Variants in NEMP2 observed in about 807,000 individuals in gnomAD.
The protein encoded by NEMP2 is nuclear envelope integral membrane protein 2, also known as UPF0571 transmembrane protein.
Under a neutral mutation model 54.2 loss-of-function variants are expected in NEMP2, and 53 were observed. That is an observed-to-expected ratio of 0.98 (90% confidence interval 0.78 to 1.23). The LOEUF (loss-of-function observed/expected upper bound fraction) is 1.23. Ranked by LOEUF, NEMP2 falls within the 50% of genes most tolerant of loss-of-function variation. The pLI, the probability that NEMP2 is intolerant of heterozygous loss-of-function variation, is 0.00. For synonymous variants in NEMP2, 197 were observed against 190.3 expected (o/e 1.04, Z -0.29); for missense variants, 455 against 511.3 (o/e 0.89, Z 1.06).
At chr2:190,499,985 C>G, downstream of NEMP2, 31 of 1,610,930 alleles carry the variant, frequency 1.9e-5, no homozygotes, top group Non-Finnish European at 2.6e-5. The surrounding 1 kb of genome is among the most constrained non-coding windows in gnomAD (Gnocchi z 6.0). Context: ...TATCACTGAT[C>G]ATGGGGCATC....
rs571513723 is a variant in NEMP2, at chr2:190,522,151, G to A, written c.214-2968C>T. On this transcript the variant is annotated intron_variant, in intron 2 of 8. Coordinates refer to ENST00000409150, the MANE Select transcript of NEMP2 (RefSeq NM_001142645.2). This position sits in a 1 kb window ranked among gnomAD's most constrained non-coding sequence, Gnocchi z 5.0. ...GTTTTAACTTTTAAGCCATATTAAT[G>A]TTGTAGATACTTATAAATAATGATA... Among the ~76,000 whole-genome samples, 8 of 152,230 alleles carry A rather than the reference G, an allele frequency of 5.3e-5. 1 individual carries two copies. The East Asian group carries it at 1.5e-3, about 29-fold the overall frequency.
the NEMP2 span, among the ~76,000 whole-genome samples, chr2:190,432,427 T>C: frequency 6.6e-6 from 1 of 152,112 alleles, no homozygotes; most frequent in Non-Finnish European, 1.5e-5. Flanking sequence ...TTTGTTTTTG[T>C]TTTTTGAGAC....
the NEMP2 span, among the ~76,000 whole-genome samples, chr2:190,595,831 G>A: frequency 6.6e-6 from 1 of 152,214 alleles, no homozygotes; most frequent in African/African-American, 2.4e-5. This position sits in a 1 kb window ranked among gnomAD's most constrained non-coding sequence, Gnocchi z 4.0. Flanking sequence ...CACTGTGGAA[G>A]ACAGTGTGGC....
the NEMP2 span, chr2:190,626,483 C>G: frequency 6.6e-6 from 1 of 152,126 alleles, no homozygotes; most frequent in East Asian, 1.9e-4. The surrounding 1 kb of genome is among the most constrained non-coding windows in gnomAD (Gnocchi z 4.5). Context: ...AGAGAGAGAG[C>G]TTTACCTGTG....
the NEMP2 span, among the ~76,000 whole-genome samples, chr2:190,475,446 G>C: frequency 1.3e-5 from 2 of 152,156 alleles, no homozygotes; most frequent in African/African-American, 4.8e-5. Context: ...AATCATGAGT[G>C]AACTCCCATT....
At chr2:190,536,545 G>C (rs1691383658), upstream of NEMP2, among the ~76,000 whole-genome samples, 1 of 152,174 alleles carries the variant, frequency 6.6e-6, no homozygotes, top group African/African-American at 2.4e-5. Context: ...AGGTTCAGGT[G>C]CACAGGGCCT....
the NEMP2 span, among the ~76,000 whole-genome samples, chr2:190,604,983 A>G: frequency 6.6e-6 from 1 of 151,890 alleles, no homozygotes; most frequent in African/African-American, 2.4e-5. The surrounding 1 kb of genome is among the most constrained non-coding windows in gnomAD (Gnocchi z 4.5). Flanking sequence ...TCCCTTTTTC[A>G]TGCTCTCCTG....
At chr2:190,422,695 A>G in the NEMP2 span, among the ~76,000 whole-genome samples, 8 of 152,096 alleles carry the variant, frequency 5.3e-5, no homozygotes, top group African/African-American at 1.7e-4. Context: ...ATTTTTATTC[A>G]TTGTGTTAGG....
chr2:190,638,941 T>C, the NEMP2 span, among the ~76,000 whole-genome samples: 4 of 152,166 alleles, frequency 2.6e-5, no homozygotes, highest in African/African-American at 9.7e-5. The surrounding 1 kb of genome is among the most constrained non-coding windows in gnomAD (Gnocchi z 5.7). Flanking sequence ...GCATCAGATG[T>C]GGCCCAGATG....
At chr2:190,555,457 C>T in the NEMP2 span, among the ~76,000 whole-genome samples, 2 of 151,746 alleles carry the variant, frequency 1.3e-5, no homozygotes, top group South Asian at 2.1e-4. The surrounding 1 kb of genome is among the most constrained non-coding windows in gnomAD (Gnocchi z 4.8). Context: ...CTAAAATAAC[C>T]AGTTTAGAGA....
the NEMP2 span, among the ~76,000 whole-genome samples, chr2:190,431,575 C>A: frequency 2.0e-5 from 3 of 152,338 alleles, no homozygotes; most frequent in East Asian, 5.8e-4. The surrounding 1 kb of genome is among the most constrained non-coding windows in gnomAD (Gnocchi z 4.4). Context: ...TGTGGCGGCG[C>A]GCGCCTGCAA....
the NEMP2 span, among the ~76,000 whole-genome samples, chr2:190,544,950 A>T: frequency 4.0e-4 from 60 of 151,190 alleles, no homozygotes; most frequent in Non-Finnish European, 5.9e-5. Flanking sequence ...AAAAAAAAAA[A>T]AAATTAGCTG....
chr2:190,457,530 C>T, the NEMP2 span, among the ~76,000 whole-genome samples: 1 of 152,152 alleles, frequency 6.6e-6, no homozygotes, highest in Admixed American at 6.5e-5. This position sits in a 1 kb window ranked among gnomAD's most constrained non-coding sequence, Gnocchi z 5.1. Context: ...ATAGCAGTTG[C>T]TGGGATCTAC....
rs764794882 is a variant in NEMP2, at chr2:190,510,664, G to A, written c.954-127C>T. 9.7e-6 allele frequency: 8 copies of A among 827,842 alleles called. No homozygotes were observed. Among genetic ancestry groups the A allele is most frequent in the Admixed American group, 9.6e-5 (4 of 41,860 alleles). The allele number at this position is 827,842 out of a possible 1,614,324, so 51.3% of individuals were successfully genotyped here. ...TGGGAGGCCTGGGGAGGCGGATCACGAGGTCAGGAGATTGAGACGGTCCTG... is the reference window on the plus strand; with the variant it reads ...TGGGAGGCCTGGGGAGGCGGATCACAAGGTCAGGAGATTGAGACGGTCCTG... On this transcript the variant is annotated intron_variant, in intron 7 of 8. Transcript: ENST00000409150. This position sits in a 1 kb window ranked among gnomAD's most constrained non-coding sequence, Gnocchi z 5.7.
chr2:190,442,389 G>A, the NEMP2 span, among the ~76,000 whole-genome samples: 7 of 152,138 alleles, frequency 4.6e-5, no homozygotes. Flanking sequence ...GCTGGGATCA[G>A]TAACCTGAAT....
the NEMP2 span, among the ~76,000 whole-genome samples, chr2:190,447,926 G>T: frequency 1.3e-5 from 2 of 152,142 alleles, no homozygotes; most frequent in African/African-American, 4.8e-5. This position sits in a 1 kb window ranked among gnomAD's most constrained non-coding sequence, Gnocchi z 4.5. Flanking sequence ...ATTAATAACA[G>T]CATTACTTAT....
the NEMP2 span, chr2:190,608,698 A>G: frequency 6.6e-6 from 1 of 152,192 alleles, no homozygotes; most frequent in Admixed American, 6.5e-5. This position sits in a 1 kb window ranked among gnomAD's most constrained non-coding sequence, Gnocchi z 4.9. Flanking sequence ...GGACTGAAAA[A>G]TATATAAATT....
In NEMP2 at chr2:190,510,364, C is replaced by T. The variant is rs1275320922; in HGVS notation, c.1127G>A (p.Ser376Asn). 4.5e-6 allele frequency: 7 copies of T among 1,551,446 alleles called. No homozygotes were observed. Among genetic ancestry groups the T allele is most frequent in the South Asian group, 2.4e-5 (2 of 84,060 alleles). ...WLVVSRLHTP[S>N]KFADFVLGGS... ...CGAGCAGCAGAGCGGGACTTACTTG[C>T]TAGGAGTGTGGAGTCTGGAGACGAC... is the stretch of plus-strand genomic sequence containing the variant. Residue 376 changes from serine (S) to asparagine (N), a missense_variant, in exon 8 of 9, where the codon AGC (serine) becomes AAC (asparagine). Ser to Asn is a conservative substitution (Grantham distance 46). Transcript: ENST00000409150. This position sits in a 1 kb window ranked among gnomAD's most constrained non-coding sequence, Gnocchi z 5.7.
At chr2:190,433,999 T>A in the NEMP2 span, among the ~76,000 whole-genome samples, 1 of 151,934 alleles carries the variant, frequency 6.6e-6, no homozygotes, top group Non-Finnish European at 1.5e-5. The surrounding 1 kb of genome is among the most constrained non-coding windows in gnomAD (Gnocchi z 4.5). Flanking sequence ...GAGAACGGCC[T>A]GGGCAACATG....
Sources: allele counts gnomAD v4.1 joint callset (sites outside exome capture counted in the v4.1 genomes callset), GRCh38; gene constraint gnomAD v4.1.1; non-coding constraint Gnocchi (gnomAD v3.1); transcripts MANE v1.5; gene names NCBI Gene and HGNC (gene_info 2026-07-23, HGNC 2026-07-21).